PCDHGA12: variants seen among roughly 807,000 people sequenced by gnomAD.
The protein encoded by PCDHGA12 is protocadherin gamma-A12.
A neutral mutation model predicts 61.1 loss-of-function variants in PCDHGA12; 43 were observed. The ratio of observed to expected loss-of-function variants is 0.70; its 90% CI spans 0.55 to 0.91. The LOEUF is 0.91. Among genes scored for constraint, PCDHGA12 ranks in the 40% least tolerant of loss-of-function variants. The pLI, the probability that PCDHGA12 is intolerant of heterozygous loss-of-function variation, is 0.00. For synonymous variants in PCDHGA12, 520 were observed against 542.9 expected (o/e 0.96, Z 0.59); for missense variants, 1,236 against 1,227.7 (o/e 1.01, Z -0.10).
Position 141,432,244 on chromosome 5 carries a change from C to T in PCDHGA12, c.1485C>T (p.Thr495=). 1 of 1,614,262 alleles carries T rather than the reference C, an allele frequency of 6.2e-7. No homozygotes were observed. Among genetic ancestry groups the T allele is most frequent in the Non-Finnish European group, 8.5e-7 (1 of 1,180,048 alleles). Residue 495 remains threonine (T), a synonymous_variant, in exon 1 of 4, where the codon ACC becomes ACT. Coordinates refer to ENST00000252085, the MANE Select transcript of PCDHGA12 (RefSeq NM_003735.3). The surrounding 1 kb of genome is among the most constrained non-coding windows in gnomAD (Gnocchi z 6.0). The part of the protein sequence containing the change: ...AQITYSLAEN[T]IQGASLSSYV... ...TCACTTATTCCCTGGCTGAGAACAC[C>T]ATCCAAGGGGCAAGCCTATCGTCCT...
At chr5:141,467,932 TA>T (rs1391978978) in intron 1 of PCDHGA12, among the ~76,000 whole-genome samples, 4 of 152,186 alleles carry the variant, frequency 2.6e-5, no homozygotes, top group Non-Finnish European at 4.4e-5. Flanking sequence ...ATGCTAGGAT[TA>T]CAAGCATGAG....
At chr5:141,459,035 AC>A (rs1337856322) in intron 1 of PCDHGA12, among the ~76,000 whole-genome samples, 1 of 152,218 alleles carries the variant, frequency 6.6e-6, no homozygotes, top group Non-Finnish European at 1.5e-5. Flanking sequence ...ATCCAGCCTT[AC>A]CAGCTATATT....
Position 141,432,153 on chromosome 5 carries a change from A to T in PCDHGA12, c.1394A>T (p.Asn465Ile). 6.2e-7 allele frequency: 1 copy of T among 1,613,758 alleles called. No homozygotes were observed. The highest frequency in any genetic ancestry group is 8.5e-7 in the Non-Finnish European group (1 of 1,179,910). Residue 465 changes from asparagine (N) to isoleucine (I), a missense_variant, in exon 1 of 4, where the codon AAT becomes ATT. Physicochemically the swap from Asn to Ile is moderately radical, Grantham distance 149 (BLOSUM62 -3). Transcript: ENST00000252085. This position sits in a 1 kb window ranked among gnomAD's most constrained non-coding sequence, Gnocchi z 6.0. ...ASYSAYIPEN[N>I]PRGVSLVSVT... is the part of the protein sequence containing the mutation. ...TATTCCGCTTATATCCCAGAGAACA[A>T]TCCCAGAGGAGTTTCCCTCGTCTCT...
chr5:141,440,451 A>G (rs2098179077), intron 1 of PCDHGA12: 1 of 152,230 alleles, frequency 6.6e-6, no homozygotes, highest in Non-Finnish European at 1.5e-5. Flanking sequence ...CATCTCAAAA[A>G]AAATGAACAA....
At chr5:141,502,914 T>G (rs78646636) in intron 2 of PCDHGA12, among the ~76,000 whole-genome samples, 4,865 of 139,540 alleles carry the variant, frequency 0.035, 119 homozygotes, top group South Asian at 0.075. Flanking sequence ...CAGGCTGGAG[T>G]GCAGTGGCAA....
intron 1 of PCDHGA12, among the ~76,000 whole-genome samples, chr5:141,433,513 C>T (rs2097615953): frequency 6.6e-6 from 1 of 152,066 alleles, no homozygotes; most frequent in Non-Finnish European, 1.5e-5. Flanking sequence ...GGATTACAGG[C>T]GTGAACCACA....
intron 1 of PCDHGA12, among the ~76,000 whole-genome samples, chr5:141,461,390 C>T (rs1220034894): frequency 2.0e-5 from 3 of 152,080 alleles, no homozygotes; most frequent in East Asian, 3.9e-4. Context: ...TGATGATTAG[C>T]GATGTTGAGC....
In PCDHGA12 at chr5:141,443,822, A is replaced by G. The variant is rs183934410; in HGVS notation, c.2424+10639A>G. ...GAAACAGTTACCTTTGGAAAACATAATTAGGTAAAATGGGTAATATGGAAA... is the reference window on the plus strand; with the variant it reads ...GAAACAGTTACCTTTGGAAAACATAGTTAGGTAAAATGGGTAATATGGAAA... On this transcript the variant is annotated intron_variant, in intron 1 of 3. Coordinates refer to ENST00000252085, the MANE Select transcript of PCDHGA12 (RefSeq NM_003735.3). Among the ~76,000 whole-genome samples, 330 of 152,316 alleles carry G rather than the reference A, an allele frequency of 2.2e-3. 2 individuals carry two copies. Among genetic ancestry groups the G allele is most frequent in the Non-Finnish European group, 4.1e-3 (279 of 68,018 alleles).
rs1235728365 is a variant in PCDHGA12 at position 141,485,502 on chromosome 5, C to T, written c.2425-9305C>T. ...TGCATCGTGCCCCTGGAGTTTGTCACCGAAGGTCCTTTGGAAATGTACCGA... is the reference window on the plus strand; with the variant it reads ...TGCATCGTGCCCCTGGAGTTTGTCATCGAAGGTCCTTTGGAAATGTACCGA... On this transcript the variant is annotated intron_variant, in intron 1 of 3. Transcript: ENST00000252085. This position sits in a 1 kb window ranked among gnomAD's most constrained non-coding sequence, Gnocchi z 5.7. 2 of 1,614,114 alleles carry T rather than the reference C, an allele frequency of 1.2e-6. No homozygotes were observed. Among genetic ancestry groups the T allele is most frequent in the Non-Finnish European group, 8.5e-7 (1 of 1,180,044 alleles).
At position 141,511,456 on chromosome 5, in the gene PCDHGA12, C is replaced by A. The variant is rs900802210; in HGVS notation, c.*283C>A. ...TACTGTAGACACCAAGAACCATTTG[C>A]CACACCCCGTTTAGTTACAGCTGAA... On this transcript the variant is annotated 3_prime_UTR_variant, in exon 4 of 4. Transcript: ENST00000252085. 3.4e-6 allele frequency: 2 copies of A among 585,210 alleles called. No homozygotes were observed. The highest frequency in any genetic ancestry group is 5.7e-6 in the Non-Finnish European group (2 of 351,786). 36.3% of individuals were successfully genotyped at this position (585,210 alleles called of 1,614,324 possible).
intron 2 of PCDHGA12, among the ~76,000 whole-genome samples, chr5:141,502,296 G>A (rs758304596): frequency 7.9e-5 from 12 of 151,130 alleles, no homozygotes; most frequent in Non-Finnish European, 1.2e-4. Context: ...TGGTTGTCAC[G>A]TCTTTCCTCT....
intron 1 of PCDHGA12, among the ~76,000 whole-genome samples, chr5:141,492,421 C>G (rs986772215): frequency 5.9e-5 from 9 of 152,250 alleles, no homozygotes; most frequent in African/African-American, 1.9e-4. Context: ...CTCCCTCCGC[C>G]GGGCTCAGGA....
At position 141,485,100 on chromosome 5, in the gene PCDHGA12, C is replaced by G. The variant is rs900224386; in HGVS notation, c.2425-9707C>G. 1.0e-5 allele frequency: 12 copies of G among 1,148,882 alleles called. No homozygotes were observed. Among genetic ancestry groups the G allele is most frequent in the Non-Finnish European group, 1.4e-5 (11 of 778,894 alleles). 71.2% of individuals were successfully genotyped at this position (1,148,882 alleles called of 1,614,324 possible). On this transcript the variant is annotated intron_variant, in intron 1 of 3. Coordinates refer to ENST00000252085, the MANE Select transcript of PCDHGA12 (RefSeq NM_003735.3). This position sits in a 1 kb window ranked among gnomAD's most constrained non-coding sequence, Gnocchi z 5.7. ...GGGAAAGGGAGATAGGTGTCTCCAG[C>G]TGCTGTGGCTGTTTGGGGCGGGTCG...
At chr5:141,479,470 T>G (rs2099497188) in intron 1 of PCDHGA12, 1 of 152,250 alleles carries the variant, frequency 6.6e-6, no homozygotes, top group African/African-American at 2.4e-5. Context: ...CAGTGACCTC[T>G]TGGGAGGGCA....
rs1264688160 is a variant in PCDHGA12, at chr5:141,493,193, G to A, written c.2425-1614G>A. 6.6e-6 allele frequency among the ~76,000 whole-genome samples: 1 copy of A among 152,128 alleles called. No individual in the cohort carries two copies. On this transcript the variant is annotated intron_variant, in intron 1 of 3. Transcript: ENST00000252085. This position sits in a 1 kb window ranked among gnomAD's most constrained non-coding sequence, Gnocchi z 4.3. ...GAGAAACTTACTATATAACTCCTTT[G>A]AGAACCTCATCTCATTTGCTCTTCC...
chr5:141,474,986 A>G (rs1328341214), intron 1 of PCDHGA12, among the ~76,000 whole-genome samples: 1 of 152,238 alleles, frequency 6.6e-6, no homozygotes, highest in Non-Finnish European at 1.5e-5. Context: ...GTTTGGTGAC[A>G]ACAATTCTAA....
chr5:141,449,994 G>T (rs2098661673), intron 1 of PCDHGA12, among the ~76,000 whole-genome samples: 2 of 131,786 alleles, frequency 1.5e-5, no homozygotes, highest in Admixed American at 7.9e-5. Context: ...ATTGCATTTA[G>T]TTGCCATGTC....
intron 3 of PCDHGA12, chr5:141,507,213 G>C (rs1016967764): frequency 6.6e-6 from 1 of 152,558 alleles, no homozygotes; most frequent in African/African-American, 2.4e-5. Context: ...AGGGTTGCCA[G>C]ATAAAATACA....
intron 2 of PCDHGA12, 99 bp from the exon 3 acceptor site, chr5:141,505,294 G>T: frequency 6.4e-7 from 1 of 1,572,086 alleles, no homozygotes; most frequent in Non-Finnish European, 8.6e-7. Context: ...GCATGGGGTA[G>T]GGTTAGGGTA....
Sources: gnomAD v4.1 joint callset for allele counts (sites outside exome capture counted in the v4.1 genomes callset) on GRCh38, gnomAD v4.1.1 for gene constraint, Gnocchi (gnomAD v3.1) non-coding constraint, MANE v1.5 for transcripts, NCBI Gene and HGNC (gene_info 2026-07-23, HGNC 2026-07-21) for gene names.